SNTG2: variants seen among roughly 807,000 people sequenced by gnomAD.
SNTG2 encodes the protein gamma-2-syntrophin.
A neutral mutation model predicts 70.9 loss-of-function variants in SNTG2; 74 were observed. That is an observed-to-expected ratio of 1.04 (90% CI 0.86 to 1.27). The LOEUF (loss-of-function observed/expected upper bound fraction) is 1.27, where lower values mean the gene tolerates loss of function less well. Among genes scored for constraint, SNTG2 ranks in the 50% most tolerant of loss-of-function variants. The probability of loss-of-function intolerance (pLI) is 0.00; values close to 1 mark genes in which losing one functional copy is unlikely to be tolerated. For missense variants in SNTG2, 717 were observed against 690.7 expected (o/e 1.04, Z -0.43); for synonymous variants, 278 against 273.8 (o/e 1.02, Z -0.15).
chr2:1,281,638 A>T (rs1679551590), intron 14 of SNTG2, among the ~76,000 whole-genome samples: 2 of 152,042 alleles, frequency 1.3e-5, no homozygotes, highest in South Asian at 4.1e-4. Flanking sequence ...TCCCCAGAGT[A>T]CCTGTTAACC....
intron 1 of SNTG2, among the ~76,000 whole-genome samples, chr2:1,064,957 T>G (rs1216867875): frequency 6.6e-6 from 1 of 152,242 alleles, no homozygotes; most frequent in Non-Finnish European, 1.5e-5. Flanking sequence ...GAAGATACTC[T>G]GTGTCAATAC....
chr2:1,127,693 GTGTGTGTA>G (rs754062151), intron 4 of SNTG2, among the ~76,000 whole-genome samples: 2 of 151,942 alleles, frequency 1.3e-5, no homozygotes, highest in Admixed American at 6.6e-5. Flanking sequence ...TCCAAGGGGT[GTGTGTGTA>G]TGTGTGTATG....
intron 1 of SNTG2, among the ~76,000 whole-genome samples, chr2:1,016,127 G>A (rs888911441): frequency 7.9e-5 from 12 of 151,950 alleles, no homozygotes; most frequent in African/African-American, 9.7e-5. Flanking sequence ...TTTGAGAAAG[G>A]CAGTTATAGA....
At chr2:1,121,696 C>G (rs1177690825) in intron 4 of SNTG2, among the ~76,000 whole-genome samples, 3 of 152,062 alleles carry the variant, frequency 2.0e-5, no homozygotes, top group Non-Finnish European at 4.4e-5. Flanking sequence ...AACTAGCTAC[C>G]ACTTGTAGAA....
chr2:1,188,743 C>T (rs984070859), intron 8 of SNTG2, among the ~76,000 whole-genome samples: 2 of 152,262 alleles, frequency 1.3e-5, no homozygotes, highest in Non-Finnish European at 2.9e-5. Flanking sequence ...TATCAGTCAT[C>T]TCTCTCAAAT....
At chr2:1,231,725 CCAGCAGG>C (rs1297939576) in intron 9 of SNTG2, among the ~76,000 whole-genome samples, 10 of 152,168 alleles carry the variant, frequency 6.6e-5, no homozygotes, top group African/African-American at 2.4e-4. Context: ...GTCAGTCCTA[CCAGCAGG>C]CAGCAGGCAG....
intron 4 of SNTG2, among the ~76,000 whole-genome samples, chr2:1,123,186 T>C (rs922970013): frequency 6.6e-6 from 1 of 152,062 alleles, no homozygotes; most frequent in Non-Finnish European, 1.5e-5. Flanking sequence ...AAAATCCCAA[T>C]GACATTTTTC....
chr2:1,177,946 T>C (rs940140093), intron 8 of SNTG2, among the ~76,000 whole-genome samples: 11 of 152,226 alleles, frequency 7.2e-5, no homozygotes, highest in African/African-American at 2.7e-4. Flanking sequence ...GACTACTGTA[T>C]TGTTGGAATT....
At position 1,082,307 on chromosome 2, in the gene SNTG2, C is replaced by G. The variant is rs563523811; in HGVS notation, c.73-1211C>G. Among the ~76,000 whole-genome samples, 24 of 152,232 alleles carry G rather than the reference C, an allele frequency of 1.6e-4. No individual in the cohort carries two copies. In the East Asian group the frequency reaches 4.4e-3, roughly 28 times the overall value. On this transcript the variant is annotated intron_variant, in intron 1 of 16. Transcript: ENST00000308624. ...TATTTGATGAGTTGGTTTTTTAAAT[C>G]CTTTTGCTCAGCCTGGATCTTACCT... is the stretch of plus-strand genomic sequence containing the variant.
intron 14 of SNTG2, among the ~76,000 whole-genome samples, chr2:1,271,542 A>G (rs1200040692): frequency 1.3e-5 from 2 of 152,168 alleles, no homozygotes; most frequent in African/African-American, 4.8e-5. Flanking sequence ...AGTAAGAGAA[A>G]GTTCTTGACT....
intron 1 of SNTG2, among the ~76,000 whole-genome samples, chr2:1,032,069 A>G (rs1406638396): frequency 6.6e-6 from 1 of 152,232 alleles, no homozygotes; most frequent in Non-Finnish European, 1.5e-5. Flanking sequence ...AAATAAAAGT[A>G]GCTACTGACA....
rs77341701 is a variant in SNTG2, at chr2:978,564, A to G, written c.72+27496A>G. 7.4e-3 allele frequency among the ~76,000 whole-genome samples: 1,124 copies of G among 152,178 alleles called. 5 individuals carry two copies. Among genetic ancestry groups the G allele is most frequent in the Middle Eastern group, 0.014 (4 of 294 alleles). ...TCCGCTTATCAAGTAATAAGATTCA[A>G]CCTTCTAGGTGGTATTTCCCCCACG... On this transcript the variant is annotated intron_variant, in intron 1 of 16. Transcript: ENST00000308624.
chr2:1,059,407 A>G (rs764607747), intron 1 of SNTG2: 13 of 152,132 alleles, frequency 8.5e-5, no homozygotes, highest in Non-Finnish European at 1.3e-4. Context: ...CTGTGTAAAC[A>G]TTTGGAAGAT....
Position 1,367,357 on chromosome 2 carries a change from G to T in SNTG2, c.1503G>T (p.Gln501His), listed in dbSNP as rs776944668. 14 of 1,540,786 alleles carry T rather than the reference G, an allele frequency of 9.1e-6. No homozygotes were observed. The highest frequency in any genetic ancestry group is 1.2e-5 in the Non-Finnish European group (14 of 1,143,172). The change falls in exon 17 of 17, where the codon CAG (glutamine) becomes CAT (histidine). Residue 501 changes from glutamine to histidine, a missense_variant. Gln to His is a conservative substitution (Grantham distance 24). Transcript: ENST00000308624. ...TTCTCCTCCAGGAACTCGAGTTCCAGGACCTGAGGGCTGTCCTGCACTGCA... is the reference window on the plus strand; with the variant it reads ...TTCTCCTCCAGGAACTCGAGTTCCATGACCTGAGGGCTGTCCTGCACTGCA... Reference protein sequence around the residue: ...KQIETKELEFQDLRAVLHCIH... With the variant: ...KQIETKELEFHDLRAVLHCIH...
At chr2:1,267,843 G>T (rs1180552456) in intron 14 of SNTG2, among the ~76,000 whole-genome samples, 1 of 152,148 alleles carries the variant, frequency 6.6e-6, no homozygotes, top group Non-Finnish European at 1.5e-5. Context: ...TTCCAGGAAG[G>T]GACTCCACCG....
intron 12 of SNTG2, among the ~76,000 whole-genome samples, chr2:1,248,137 G>A (rs1677545120): frequency 6.6e-6 from 1 of 152,174 alleles, no homozygotes; most frequent in African/African-American, 2.4e-5. Flanking sequence ...TCCATTAAAA[G>A]GAAATGAAAA....
chr2:1,029,385 C>A (rs540274623), intron 1 of SNTG2, among the ~76,000 whole-genome samples: 11 of 152,130 alleles, frequency 7.2e-5, no homozygotes, highest in Non-Finnish European at 1.3e-4. Context: ...TATAACATGT[C>A]TAAATAAATT....
chr2:1,023,096 C>G (rs750230891), intron 1 of SNTG2, among the ~76,000 whole-genome samples: 1 of 151,358 alleles, frequency 6.6e-6, no homozygotes, highest in Non-Finnish European at 1.5e-5. Context: ...GAAATAAATC[C>G]TTTTTGACTT....
intron 1 of SNTG2, among the ~76,000 whole-genome samples, chr2:1,061,041 C>G (rs187165036): frequency 2.0e-5 from 3 of 152,288 alleles, no homozygotes; most frequent in Middle Eastern, 3.4e-3. Flanking sequence ...CACACAATCA[C>G]ACAAACTTCA....
Sources: gnomAD v4.1 joint callset for allele counts (sites outside exome capture counted in the v4.1 genomes callset) on GRCh38, gnomAD v4.1.1 for gene constraint, MANE v1.5 for transcripts, NCBI Gene and HGNC (gene_info 2026-07-23, HGNC 2026-07-21) for gene names.